Variants in GPD2 observed in about 807,000 individuals in gnomAD.
GPD2 encodes glycerol-3-phosphate dehydrogenase 2, also known as glycerol-3-phosphate dehydrogenase, mitochondrial.
GPD2 carries 54 observed loss-of-function variants against 82.4 expected under a neutral mutation model. The ratio of observed to expected loss-of-function variants is 0.66; its 90% confidence interval spans 0.53 to 0.82. The LOEUF (loss-of-function observed/expected upper bound fraction) is 0.82. Among genes scored for constraint, GPD2 ranks in the 40% least tolerant of loss-of-function variants. The pLI is 0.00. For missense variants in GPD2, 748 were observed against 896.2 expected (o/e 0.83, Z 2.11); for synonymous variants, 288 against 306.1 (o/e 0.94, Z 0.62).
At chr2:156,418,710 C>G in the GPD2 span, among the ~76,000 whole-genome samples, 2 of 151,890 alleles carry the variant, frequency 1.3e-5, no homozygotes, top group African/African-American at 4.8e-5. Context: ...ACCCAAGCAC[C>G]GTGATTCCAA....
intron 1 of GPD2, among the ~76,000 whole-genome samples, chr2:156,448,847 T>C (rs970027616): frequency 6.6e-6 from 1 of 152,234 alleles, no homozygotes; most frequent in Non-Finnish European, 1.5e-5. Flanking sequence ...ATTTATTCTT[T>C]CATCATTCAG....
Position 156,513,348 on chromosome 2 carries a change from T to A in GPD2, c.513T>A (p.Pro171=), listed in dbSNP as rs1343767337. ...MLPVYKWWQL[P]YYWVGIKLYD... The stretch of plus-strand genomic sequence containing the variant: ...TATGCTGTAGGTGGTGGCAGTTACC[T>A]TACTACTGGGTAGGAATCAAGCTGT... Residue 171 remains proline (P), a synonymous_variant, in exon 6 of 17, where the codon CCT becomes CCA. Transcript: ENST00000438166. 1.2e-6 allele frequency: 2 copies of A among 1,611,148 alleles called. No homozygotes were observed. Among genetic ancestry groups the A allele is most frequent in the Non-Finnish European group, 1.7e-6 (2 of 1,178,822 alleles).
chr2:156,414,857 GGGATAAATAT>G, the GPD2 span, among the ~76,000 whole-genome samples: 1 of 151,974 alleles, frequency 6.6e-6, no homozygotes, highest in East Asian at 1.9e-4. Flanking sequence ...AGCTCTAAAA[GGGATAAATAT>G]ACCTTTAATA....
intron 9 of GPD2, among the ~76,000 whole-genome samples, chr2:156,559,375 T>C (rs1227056198): frequency 6.6e-6 from 1 of 152,158 alleles, no homozygotes; most frequent in Non-Finnish European, 1.5e-5. Flanking sequence ...CATTTGAAAA[T>C]CTATATTAAA....
At chr2:156,426,226 T>TC in the GPD2 span, among the ~76,000 whole-genome samples, 1 of 152,206 alleles carries the variant, frequency 6.6e-6, no homozygotes, top group African/African-American at 2.4e-5. Flanking sequence ...CCCGGCCAAG[T>TC]CTGGGTACTT....
At chr2:156,536,176 C>T (rs182403002) in intron 6 of GPD2, among the ~76,000 whole-genome samples, 48 of 152,296 alleles carry the variant, frequency 3.2e-4, no homozygotes, top group African/African-American at 1.1e-3. Flanking sequence ...AATGAACATA[C>T]GGTCACGTCA....
chr2:156,540,186 A>T (rs1686252204), intron 6 of GPD2, among the ~76,000 whole-genome samples: 1 of 152,234 alleles, frequency 6.6e-6, no homozygotes, highest in African/African-American at 2.4e-5. Flanking sequence ...CAACCAGTGC[A>T]CCGAAGACTT....
At chr2:156,419,726 T>G in the GPD2 span, among the ~76,000 whole-genome samples, 1 of 152,236 alleles carries the variant, frequency 6.6e-6, no homozygotes, top group Admixed American at 6.5e-5. Flanking sequence ...AGATTGGTCT[T>G]CTACCATCTC....
At chr2:156,569,287 G>A (rs1687516223) in intron 10 of GPD2, 76 bp from the exon 11 acceptor site, 15 of 983,084 alleles carry the variant, frequency 1.5e-5, no homozygotes, top group Non-Finnish European at 2.5e-5. Flanking sequence ...TTTGTTATTG[G>A]TAAGTTGATA....
the GPD2 span, among the ~76,000 whole-genome samples, chr2:156,405,002 A>C: frequency 6.6e-6 from 1 of 152,202 alleles, no homozygotes; most frequent in Non-Finnish European, 1.5e-5. Flanking sequence ...GAAGGTTCGG[A>C]GCATTTGAAG....
intron 2 of GPD2, among the ~76,000 whole-genome samples, chr2:156,483,123 A>G (rs1683796393): frequency 6.6e-6 from 1 of 151,234 alleles, no homozygotes; most frequent in Non-Finnish European, 1.5e-5. Context: ...GCAAAAAACA[A>G]AAAAAAAACA....
chr2:156,478,752 G>A (rs1174378359), intron 2 of GPD2, among the ~76,000 whole-genome samples: 6 of 152,180 alleles, frequency 3.9e-5, no homozygotes, highest in Non-Finnish European at 2.9e-5. Context: ...AATGTGACTA[G>A]GTATGCTCCA....
chr2:156,484,906 A>G (rs1683880371), intron 2 of GPD2, among the ~76,000 whole-genome samples: 1 of 152,110 alleles, frequency 6.6e-6, no homozygotes, highest in Non-Finnish European at 1.5e-5. Context: ...GAAACTCTGT[A>G]CCCCTTGTTC....
At position 156,564,829 on chromosome 2, in the gene GPD2, G is replaced by C. The variant is rs60204606; in HGVS notation, c.1166-3996G>C. ...AACATTCAACTGATATAATTCTCAG[G>C]CTAAAAAGCTGAATCCTAAGATGTC... is the stretch of plus-strand genomic sequence containing the variant. On this transcript the variant is annotated intron_variant, in intron 9 of 16. Coordinates refer to ENST00000438166, the MANE Select transcript of GPD2 (RefSeq NM_000408.5). 7.5e-3 allele frequency among the ~76,000 whole-genome samples: 1,133 copies of C among 151,910 alleles called. 12 individuals carry two copies. The highest frequency in any genetic ancestry group is 0.024 in the Middle Eastern group (7 of 294).
At chr2:156,577,269 T>G (rs1462749312) in intron 13 of GPD2, among the ~76,000 whole-genome samples, 1 of 152,086 alleles carries the variant, frequency 6.6e-6, no homozygotes, top group Admixed American at 6.6e-5. Context: ...ATCAATCACT[T>G]GAGCCCAGTA....
chr2:156,512,109 T>C (rs1171390727), intron 4 of GPD2, 111 bp from the exon 5 acceptor site: 4 of 736,292 alleles, frequency 5.4e-6, no homozygotes, highest in South Asian at 1.4e-5. Context: ...CTATCCTCAC[T>C]CAGAGATAGA....
chr2:156,451,602 T>G lies in GPD2; in HGVS notation c.-9+15089T>G, dbSNP rs575854690. On this transcript the variant is annotated intron_variant, in intron 1 of 16. Coordinates refer to ENST00000438166, the MANE Select transcript of GPD2 (RefSeq NM_000408.5). ...CCACCTCCTTCCCGGACAGGGCGGCTGGCCCGGCAGAGGGGCTCCTCACTT... is the reference window on the plus strand; with the variant it reads ...CCACCTCCTTCCCGGACAGGGCGGCGGGCCCGGCAGAGGGGCTCCTCACTT... 8.7e-4 allele frequency among the ~76,000 whole-genome samples: 123 copies of G among 141,234 alleles called. 2 individuals are homozygous for G. The highest frequency in any genetic ancestry group is 1.2e-3 in the Non-Finnish European group (80 of 65,208). 92.7% of individuals were successfully genotyped at this position (141,234 alleles called of 152,430 possible).
chr2:156,472,799 G>A (rs1295181743), intron 1 of GPD2, among the ~76,000 whole-genome samples: 3 of 152,270 alleles, frequency 2.0e-5, no homozygotes, highest in African/African-American at 7.2e-5. Context: ...TTGGGGAGAA[G>A]TTGCCTTTTG....
intron 2 of GPD2, among the ~76,000 whole-genome samples, chr2:156,493,449 T>G (rs1276744846): frequency 6.6e-6 from 1 of 152,064 alleles, no homozygotes; most frequent in Admixed American, 6.6e-5. Flanking sequence ...TTATTATTGT[T>G]GAGACTGAGA....
Sources: gnomAD v4.1 joint callset for allele counts (sites outside exome capture counted in the v4.1 genomes callset) on GRCh38, gnomAD v4.1.1 for gene constraint, MANE v1.5 for transcripts, NCBI Gene and HGNC (gene_info 2026-07-23, HGNC 2026-07-21) for gene names.